Variants in AK8 observed in about 807,000 individuals in gnomAD.
AK8 encodes adenylate kinase 8.
Under a neutral mutation model 54.6 loss-of-function variants are expected in AK8, and 44 were observed. That is an observed-to-expected ratio of 0.81 (90% CI 0.63 to 1.04). The LOEUF (loss-of-function observed/expected upper bound fraction) is 1.04. AK8 is among the 50% of genes least tolerant of loss of function. AK8 has a pLI of 0.00. For synonymous variants in AK8, 239 were observed against 245.6 expected (o/e 0.97, Z 0.25); for missense variants, 555 against 613.6 (o/e 0.90, Z 1.01).
At chr9:132,827,196 G>T in intron 7 of AK8, 142 bp from the exon 8 acceptor site, 1 of 739,880 alleles carries the variant, frequency 1.4e-6, no homozygotes. Context: ...GGACACCGTT[G>T]CTCAACACCA....
At chr9:132,751,159 C>A (rs112989952) in intron 11 of AK8, among the ~76,000 whole-genome samples, 36,540 of 151,426 alleles carry the variant, frequency 0.24, 6,174 homozygotes, top group African/African-American at 0.45. Context: ...CAAGGCAGGC[C>A]GATCATTTGA....
chr9:132,775,635 T>C (rs1367982288), intron 11 of AK8, among the ~76,000 whole-genome samples: 3 of 152,110 alleles, frequency 2.0e-5, no homozygotes, highest in African/African-American at 7.2e-5. Flanking sequence ...CTAGCAAAAT[T>C]ACTCACCAAG....
At chr9:132,779,701 G>A (rs1839378869) in intron 11 of AK8, among the ~76,000 whole-genome samples, 2 of 152,158 alleles carry the variant, frequency 1.3e-5, no homozygotes, top group South Asian at 4.1e-4. Context: ...GGTTAAAAGA[G>A]TAGAGATTAT....
At chr9:132,822,958 TTC>T (rs1247131605) in intron 9 of AK8, among the ~76,000 whole-genome samples, 10 of 152,192 alleles carry the variant, frequency 6.6e-5, no homozygotes, top group African/African-American at 2.2e-4. Flanking sequence ...CTGAAAAATG[TTC>T]TGTCTCTTTG....
At chr9:132,733,364 G>A (rs1160416389) in intron 11 of AK8, among the ~76,000 whole-genome samples, 1 of 152,198 alleles carries the variant, frequency 6.6e-6, no homozygotes, top group Non-Finnish European at 1.5e-5. Context: ...ACCAAAACAC[G>A]GCTGTCACGG....
At chr9:132,819,691 C>T (rs1841492129) in intron 9 of AK8, among the ~76,000 whole-genome samples, 1 of 152,092 alleles carries the variant, frequency 6.6e-6, no homozygotes, top group South Asian at 2.1e-4. Context: ...TATTATAGAA[C>T]ACTATAACCA....
intron 9 of AK8, among the ~76,000 whole-genome samples, chr9:132,817,542 T>G (rs934208522): frequency 6.6e-6 from 1 of 152,000 alleles, no homozygotes; most frequent in African/African-American, 2.4e-5. Flanking sequence ...AGGAAAACTG[T>G]GAAAAAGAAC....
chr9:132,742,169 C>CTTTT (rs573195791), intron 11 of AK8, among the ~76,000 whole-genome samples: 4 of 126,614 alleles, frequency 3.2e-5, no homozygotes, highest in South Asian at 2.5e-4. Flanking sequence ...TGGACTTGGA[C>CTTTT]TTTTTTTTTT....
At chr9:132,745,664 T>G (rs1837615889) in intron 11 of AK8, among the ~76,000 whole-genome samples, 1 of 152,074 alleles carries the variant, frequency 6.6e-6, no homozygotes, top group Admixed American at 6.5e-5. Context: ...TTCCGGGTAG[T>G]GGAGGGGAGG....
chr9:132,837,098 A>G lies in AK8; in HGVS notation c.403-8372T>C, dbSNP rs1313310830. On this transcript the variant is annotated intron_variant, in intron 5 of 12. Coordinates refer to ENST00000298545, the MANE Select transcript of AK8 (RefSeq NM_152572.3). This position sits in a 1 kb window ranked among gnomAD's most constrained non-coding sequence, Gnocchi z 4.3. ...CACTTTGGGAGGCCAAGGTAGGCGG[A>G]TCATGAGGTCAAGAGATCGAGACCA... is the stretch of plus-strand genomic sequence containing the variant. 6.6e-6 allele frequency among the ~76,000 whole-genome samples: 1 copy of G among 152,136 alleles called. No homozygotes were observed. Among genetic ancestry groups the G allele is most frequent in the Non-Finnish European group, 1.5e-5 (1 of 68,020 alleles).
intron 9 of AK8, among the ~76,000 whole-genome samples, chr9:132,820,570 GA>G (rs1841542239): frequency 6.6e-6 from 1 of 152,214 alleles, no homozygotes. Flanking sequence ...TGTTGGAGCA[GA>G]ATAAACTCCT....
intron 3 of AK8, 50 bp from the exon 4 acceptor site, chr9:132,863,828 A>C: frequency 7.4e-7 from 1 of 1,346,176 alleles, no homozygotes; most frequent in Non-Finnish European, 1.1e-6. Flanking sequence ...CAATAAATAC[A>C]CAAATGACTC....
rs536169231 is a variant in AK8, at chr9:132,858,601, C to T, written c.334-3676G>A. 2.6e-5 allele frequency among the ~76,000 whole-genome samples: 4 copies of T among 152,318 alleles called. No homozygotes were observed. The East Asian group carries it at 5.8e-4, about 22-fold the overall frequency. ...CACACCCCCCTTCTCCATAAAGGGG[C>T]TCCTCCTGGTAGACGAGGGAAACCC... is the stretch of plus-strand genomic sequence containing the variant. On this transcript the variant is annotated intron_variant, in intron 4 of 12. Coordinates refer to ENST00000298545, the MANE Select transcript of AK8 (RefSeq NM_152572.3).
chr9:132,877,457 C>G (rs1353413115), intron 1 of AK8, among the ~76,000 whole-genome samples: 5 of 152,212 alleles, frequency 3.3e-5, no homozygotes, highest in Non-Finnish European at 7.3e-5. Context: ...CCAGCTTCCC[C>G]TTGCCTCTCA....
chr9:132,785,568 C>T (rs747140415), intron 11 of AK8, among the ~76,000 whole-genome samples: 1 of 152,042 alleles, frequency 6.6e-6, no homozygotes, highest in African/African-American at 2.4e-5. Context: ...ATAACAAGAA[C>T]AAAACTCAAA....
chr9:132,859,618 T>G (rs2131399712), intron 4 of AK8, among the ~76,000 whole-genome samples: 1 of 147,150 alleles, frequency 6.8e-6, no homozygotes, highest in East Asian at 2.0e-4. Context: ...TCCTCCCTTC[T>G]CCTCCCCTAC....
Position 132,842,268 on chromosome 9 carries a change from C to T in AK8, c.402+12589G>A, listed in dbSNP as rs955555910. 3.3e-5 allele frequency among the ~76,000 whole-genome samples: 5 copies of T among 152,188 alleles called. No homozygotes were observed. The South Asian group carries it at 8.3e-4, about 25-fold the overall frequency. ...ATGTTGGGATAAGATTTCACTGCCA[C>T]GGTGGTACAGAACTGGGGAATTATC... On this transcript the variant is annotated intron_variant, in intron 5 of 12. Transcript: ENST00000298545.
intron 4 of AK8, among the ~76,000 whole-genome samples, chr9:132,863,415 C>G (rs965359308): frequency 2.0e-5 from 3 of 152,246 alleles, no homozygotes; most frequent in Non-Finnish European, 2.9e-5. Context: ...GACAAAACAG[C>G]CTCCTTCACT....
At chr9:132,873,402 A>G (rs1319797189) in intron 2 of AK8, among the ~76,000 whole-genome samples, 1 of 151,998 alleles carries the variant, frequency 6.6e-6, no homozygotes, top group Non-Finnish European at 1.5e-5. Flanking sequence ...TTTTAAGATG[A>G]GTGAGCTGCA....
Sources: allele counts gnomAD v4.1 joint callset (sites outside exome capture counted in the v4.1 genomes callset), GRCh38; gene constraint gnomAD v4.1.1; non-coding constraint Gnocchi (gnomAD v3.1); transcripts MANE v1.5; gene names NCBI Gene and HGNC (gene_info 2026-07-23, HGNC 2026-07-21).